The following IFFO2 variants were observed in gnomAD, a reference collection of about 807,000 sequenced individuals.
IFFO2 encodes intermediate filament family orphan 2.
A neutral mutation model predicts 53.5 loss-of-function variants in IFFO2; 19 were observed. That is an observed-to-expected ratio of 0.36 (90% CI 0.25 to 0.52). The LOEUF (loss-of-function observed/expected upper bound fraction) is 0.52, where lower values mean the gene tolerates loss of function less well. Ranked by LOEUF, IFFO2 falls within the 20% of genes least tolerant of loss-of-function variation. IFFO2 has a pLI of 0.94. For missense variants in IFFO2, 570 were observed against 727.4 expected (o/e 0.78, Z 2.49); for synonymous variants, 303 against 313.6 (o/e 0.97, Z 0.36).
At chr1:18,910,832 T>C (rs1194558679) in intron 7 of IFFO2, among the ~76,000 whole-genome samples, 2 of 152,260 alleles carry the variant, frequency 1.3e-5, no homozygotes, top group African/African-American at 4.8e-5. Context: ...TTGTCCTCTA[T>C]CAAGTGATAC....
At chr1:18,932,433 C>T (rs892487937) in intron 1 of IFFO2, among the ~76,000 whole-genome samples, 2 of 152,224 alleles carry the variant, frequency 1.3e-5, no homozygotes, top group Non-Finnish European at 2.9e-5. Flanking sequence ...AGAGATCCCA[C>T]CCCTGACCCC....
intron 7 of IFFO2, among the ~76,000 whole-genome samples, chr1:18,911,120 G>A (rs888346578): frequency 1.3e-5 from 2 of 149,094 alleles, no homozygotes; most frequent in Admixed American, 6.7e-5. Flanking sequence ...TGTCAGCTCT[G>A]TGGTTATTAT....
intron 5 of IFFO2, 59 bp from the exon 6 acceptor site, chr1:18,912,142 C>A: frequency 6.5e-7 from 1 of 1,546,286 alleles, no homozygotes; most frequent in Non-Finnish European, 8.7e-7. Flanking sequence ...GGGACCCATA[C>A]AGGGGACAGA....
rs1349544692 is a variant in IFFO2 at position 18,955,827 on chromosome 1, C to A, written c.506G>T (p.Arg169Leu). The stretch of plus-strand genomic sequence containing the variant: ...GGTCTCCACGCCGCCGCCGCCCGTG[C>A]GCCGCACCTGCGTGTAGCTCCAGAT... Reference protein sequence around the residue: ...GTIWSYTQVRRTGGGGVETVQ... With the variant: ...GTIWSYTQVRLTGGGGVETVQ... Residue 169 changes from arginine (R) to leucine (L), a missense_variant, in exon 1 of 9, where the codon CGC (arginine) becomes CTC (leucine). Arg to Leu is a moderately radical substitution (Grantham distance 102). Coordinates refer to ENST00000455833, the MANE Select transcript of IFFO2 (RefSeq NM_001136265.2). The A allele has an allele frequency of 2.0e-6, 3 of 1,517,728 alleles. No individual in the cohort carries two copies. Among genetic ancestry groups the A allele is most frequent in the Non-Finnish European group, 2.6e-6 (3 of 1,139,972 alleles). The allele number at this position is 1,517,728 out of a possible 1,614,324, so 94.0% of individuals were successfully genotyped here.
At chr1:18,937,127 G>T (rs1204137923) in intron 1 of IFFO2, among the ~76,000 whole-genome samples, 2 of 152,204 alleles carry the variant, frequency 1.3e-5, no homozygotes, top group Non-Finnish European at 2.9e-5. Flanking sequence ...TGCCTGCCAT[G>T]CCGCTGGTAA....
intron 1 of IFFO2, among the ~76,000 whole-genome samples, chr1:18,941,995 G>C (rs1308793550): frequency 6.6e-6 from 1 of 152,252 alleles, no homozygotes; most frequent in Non-Finnish European, 1.5e-5. Flanking sequence ...CGAGAAGAGA[G>C]GGGACATGAC....
intron 1 of IFFO2, among the ~76,000 whole-genome samples, chr1:18,946,656 A>G (rs1936592655): frequency 6.6e-6 from 1 of 150,892 alleles, no homozygotes; most frequent in Admixed American, 6.6e-5. Flanking sequence ...TGACCTCATG[A>G]TCTACCCGCC....
Position 18,919,841 on chromosome 1 carries a change from C to A in IFFO2, c.727-68G>T. On this transcript the variant is annotated intron_variant, in intron 2 of 8. Transcript: ENST00000455833. This position sits in a 1 kb window ranked among gnomAD's most constrained non-coding sequence, Gnocchi z 4.9. ...TCTGGGGATAGGAGGGTCTGGACAC[C>A]TGAGTCCAGAGCCCTAGGCACCCGA... 4.4e-6 allele frequency: 5 copies of A among 1,133,882 alleles called. No individual in the cohort carries two copies. The highest frequency in any genetic ancestry group is 5.2e-6 in the Non-Finnish European group (4 of 774,436). 70.2% of individuals were successfully genotyped at this position (1,133,882 alleles called of 1,614,324 possible).
intron 1 of IFFO2, among the ~76,000 whole-genome samples, chr1:18,932,331 T>C (rs1936389581): frequency 6.6e-6 from 1 of 152,170 alleles, no homozygotes; most frequent in Non-Finnish European, 1.5e-5. Context: ...GTCTGTAAAA[T>C]GGTCTGTTTC....
intron 1 of IFFO2, among the ~76,000 whole-genome samples, chr1:18,941,561 C>G (rs947820321): frequency 1.3e-5 from 2 of 152,232 alleles, no homozygotes; most frequent in Non-Finnish European, 2.9e-5. Flanking sequence ...ATCTACCCAT[C>G]GCCTACAGGG....
chr1:18,936,650 C>T lies in IFFO2; in HGVS notation c.666-15529G>A, dbSNP rs1380904668. On this transcript the variant is annotated intron_variant, in intron 1 of 8. Transcript: ENST00000455833. The surrounding 1 kb of genome is among the most constrained non-coding windows in gnomAD (Gnocchi z 4.5). ...TGTTTATTCCAAGTGACTGTGCTGC[C>T]CTGGAGGTAAATGTAGGGCACCTCA... Among the ~76,000 whole-genome samples, 3 of 152,212 alleles carry T rather than the reference C, an allele frequency of 2.0e-5. No individual in the cohort carries two copies. Among genetic ancestry groups the T allele is most frequent in the Non-Finnish European group, 4.4e-5 (3 of 68,036 alleles).
chr1:18,928,511 G>A lies in IFFO2; in HGVS notation c.666-7390C>T, dbSNP rs549604897. On this transcript the variant is annotated intron_variant, in intron 1 of 8. Coordinates refer to ENST00000455833, the MANE Select transcript of IFFO2 (RefSeq NM_001136265.2). This position sits in a 1 kb window ranked among gnomAD's most constrained non-coding sequence, Gnocchi z 4.9. ...CCAGGTTTGAGAAGCCACTAATCAA[G>A]TGTGCCCCCAGAACACTGCCACCCA... Among the ~76,000 whole-genome samples, 2 of 152,316 alleles carry A rather than the reference G, an allele frequency of 1.3e-5. No individual in the cohort carries two copies. The highest frequency in any genetic ancestry group is 4.8e-5 in the African/African-American group (2 of 41,560).
intron 1 of IFFO2, among the ~76,000 whole-genome samples, chr1:18,941,342 C>T (rs1386117880): frequency 1.3e-5 from 2 of 152,236 alleles, no homozygotes; most frequent in African/African-American, 4.8e-5. Flanking sequence ...TCGTTTCCCA[C>T]CTTGGGGGGT....
rs879147907 is a variant in IFFO2 at position 18,911,496 on chromosome 1, G to A, written c.1225-20C>T. 2.5e-5 allele frequency: 27 copies of A among 1,076,288 alleles called. No individual in the cohort carries two copies. The highest frequency in any genetic ancestry group is 4.0e-4 in the Middle Eastern group (2 of 4,952). The allele number at this position is 1,076,288 out of a possible 1,614,324, so 66.7% of individuals were successfully genotyped here. A position where few individuals can be genotyped will look rare whatever the true frequency, so the allele number is the denominator to read the frequency against. ...CTCTTGCTGGGGAAATAGAACAAAC[G>A]GGACAGTTTATTTTATTTATTTATT... On this transcript the variant is annotated intron_variant, in intron 6 of 8. Transcript: ENST00000455833.
chr1:18,949,815 G>C (rs1371855083), intron 1 of IFFO2, among the ~76,000 whole-genome samples: 1 of 152,246 alleles, frequency 6.6e-6, no homozygotes, highest in Non-Finnish European at 1.5e-5. Context: ...GTGAGTGTGA[G>C]TGTGCATACA....
intron 1 of IFFO2, among the ~76,000 whole-genome samples, chr1:18,938,169 G>GC (rs1936473813): frequency 6.6e-6 from 1 of 152,258 alleles, no homozygotes; most frequent in Non-Finnish European, 1.5e-5. Flanking sequence ...CGCAGCTGGT[G>GC]ATCTGCTAAA....
At chr1:18,932,472 G>C (rs532192072) in intron 1 of IFFO2, among the ~76,000 whole-genome samples, 1 of 152,354 alleles carries the variant, frequency 6.6e-6, no homozygotes, top group African/African-American at 2.4e-5. Flanking sequence ...GAGGGGCAGA[G>C]GATCTGCACT....
chr1:18,948,124 C>T (rs1013242198), intron 1 of IFFO2, among the ~76,000 whole-genome samples: 3 of 131,160 alleles, frequency 2.3e-5, no homozygotes, highest in Non-Finnish European at 5.4e-5. Flanking sequence ...CATCACTGCA[C>T]CTAGCACAAA....
intron 5 of IFFO2, among the ~76,000 whole-genome samples, chr1:18,912,889 G>T (rs1445228089): frequency 6.6e-6 from 1 of 152,214 alleles, no homozygotes; most frequent in African/African-American, 2.4e-5. Flanking sequence ...CAACCAGGCA[G>T]GTTTGCCTGG....
Sources: allele counts gnomAD v4.1 joint callset (sites outside exome capture counted in the v4.1 genomes callset), GRCh38; gene constraint gnomAD v4.1.1; non-coding constraint Gnocchi (gnomAD v3.1); transcripts MANE v1.5; gene names NCBI Gene and HGNC (gene_info 2026-07-23, HGNC 2026-07-21).